CNBD2: variants seen among roughly 807,000 people sequenced by gnomAD.
CNBD2 encodes cyclic nucleotide binding domain containing 2.
CNBD2 carries 64 observed loss-of-function variants against 63.7 expected under a neutral mutation model. The ratio of observed to expected loss-of-function variants is 1.00; its 90% CI spans 0.82 to 1.24. The LOEUF is 1.24. Among genes scored for constraint, CNBD2 ranks in the 50% most tolerant of loss-of-function variants. The probability of loss-of-function intolerance (pLI) is 0.00; values close to 1 mark genes in which losing one functional copy is unlikely to be tolerated. For synonymous variants in CNBD2, 229 were observed against 255.4 expected (o/e 0.90, Z 0.99); for missense variants, 691 against 713.5 (o/e 0.97, Z 0.36).
chr20:36,005,240 C>A (rs982619664), intron 8 of CNBD2, among the ~76,000 whole-genome samples: 8 of 152,176 alleles, frequency 5.3e-5, no homozygotes, highest in African/African-American at 1.9e-4. Flanking sequence ...CAGATGGGGG[C>A]AGGTGGTAAC....
intron 8 of CNBD2, among the ~76,000 whole-genome samples, chr20:36,002,450 G>A (rs2056927670): frequency 1.3e-5 from 2 of 151,904 alleles, no homozygotes; most frequent in Admixed American, 1.3e-4. Context: ...GGGAGAGGGA[G>A]AGCCTAATTT....
intron 8 of CNBD2, among the ~76,000 whole-genome samples, chr20:36,000,900 C>G (rs968632521): frequency 4.6e-5 from 7 of 151,652 alleles, no homozygotes; most frequent in African/African-American, 1.2e-4. Flanking sequence ...TGCGGCCTTC[C>G]GCAGTGTTTG....
rs1414671241 is a variant in CNBD2 at position 36,001,776 on chromosome 20, C to T, written c.971-6521C>T. ...CCCAGACGGGGTGGCGGGGCAGAGG[C>T]GCTCCCCACATCTCAGACGATGGGC... On this transcript the variant is annotated intron_variant, in intron 8 of 11. Coordinates refer to ENST00000373973, the MANE Select transcript of CNBD2 (RefSeq NM_001365709.1). Among the ~76,000 whole-genome samples the T allele has an allele frequency of 2.4e-4, 35 of 146,636 alleles. No homozygotes were observed. The East Asian group carries it at 2.9e-3, about 12-fold the overall frequency.
At chr20:36,009,743 A>C (rs756832001) in intron 9 of CNBD2, among the ~76,000 whole-genome samples, 94 of 152,016 alleles carry the variant, frequency 6.2e-4, no homozygotes, top group Non-Finnish European at 1.2e-3. Flanking sequence ...GAGGCACAAG[A>C]ATCGCTTGAA....
chr20:35,961,879 TC>T (rs2056311459), intron 2 of CNBD2, among the ~76,000 whole-genome samples: 1 of 152,178 alleles, frequency 6.6e-6, no homozygotes, highest in South Asian at 2.1e-4. Context: ...TCTGTGTGTT[TC>T]CCTGGTCACC....
chr20:36,023,142 G>A (rs752254833), intron 10 of CNBD2, among the ~76,000 whole-genome samples: 2 of 152,158 alleles, frequency 1.3e-5, no homozygotes, highest in Non-Finnish European at 2.9e-5. Context: ...TGTAGCAAAA[G>A]GGGCCCAGGA....
intron 8 of CNBD2, among the ~76,000 whole-genome samples, chr20:36,007,863 A>G (rs1049473523): frequency 6.6e-6 from 1 of 152,182 alleles, no homozygotes; most frequent in Non-Finnish European, 1.5e-5. Context: ...TCTGATGCTT[A>G]TATGACTTGT....
intron 8 of CNBD2, 39 bp from the exon 9 acceptor site, chr20:36,008,258 A>G (rs763707601): frequency 6.5e-7 from 1 of 1,535,744 alleles, no homozygotes; most frequent in Non-Finnish European, 8.9e-7. Flanking sequence ...CATATATGCA[A>G]AGATCCATAA....
At chr20:36,018,182 G>A (rs1303691720) in intron 10 of CNBD2, among the ~76,000 whole-genome samples, 1 of 152,132 alleles carries the variant, frequency 6.6e-6, no homozygotes, top group Non-Finnish European at 1.5e-5. Context: ...GGGCACTAAG[G>A]GACAGGGAGG....
upstream of CNBD2, among the ~76,000 whole-genome samples, chr20:35,966,659 T>A (rs2056347077): frequency 6.6e-6 from 1 of 152,066 alleles, no homozygotes; most frequent in African/African-American, 2.4e-5. Flanking sequence ...GTTTTTTTTT[T>A]ATTGTCCTGA....
At chr20:36,019,548 A>G (rs965905394) in intron 10 of CNBD2, among the ~76,000 whole-genome samples, 8 of 151,212 alleles carry the variant, frequency 5.3e-5, no homozygotes, top group African/African-American at 1.9e-4. Context: ...AAAAAAAAAA[A>G]AAAAGAATAA....
At chr20:36,005,312 G>A (rs1178221971) in intron 8 of CNBD2, among the ~76,000 whole-genome samples, 1 of 152,174 alleles carries the variant, frequency 6.6e-6, no homozygotes, top group Non-Finnish European at 1.5e-5. Flanking sequence ...ACACAACCTA[G>A]ATGCCTCTCA....
chr20:36,001,941 C>T (rs1193940341), intron 8 of CNBD2, among the ~76,000 whole-genome samples: 57 of 151,548 alleles, frequency 3.8e-4, no homozygotes, highest in African/African-American at 1.3e-3. Flanking sequence ...GGGCTCCTCA[C>T]GTCCCAGACG....
intron 2 of CNBD2, chr20:35,974,842 C>T (rs997662889): frequency 6.6e-6 from 1 of 152,184 alleles, no homozygotes; most frequent in Non-Finnish European, 1.5e-5. Flanking sequence ...TGGGCAAGTT[C>T]CTTCACCATC....
intron 3 of CNBD2, among the ~76,000 whole-genome samples, chr20:35,979,473 G>A (rs1284758776): frequency 2.6e-5 from 4 of 152,222 alleles, no homozygotes; most frequent in African/African-American, 9.6e-5. Flanking sequence ...GCCTAGGCTG[G>A]TCTCAAACTC....
At chr20:35,983,953 C>T (rs750093626) in intron 4 of CNBD2, 29 bp from the exon 5 acceptor site, 11 of 1,613,956 alleles carry the variant, frequency 6.8e-6, no homozygotes, top group South Asian at 4.4e-5. Flanking sequence ...ATGTCACTAC[C>T]CAATCAACTA....
At chr20:35,964,714 T>G (rs921671314), upstream of CNBD2, among the ~76,000 whole-genome samples, 17 of 151,684 alleles carry the variant, frequency 1.1e-4, no homozygotes, top group Admixed American at 9.8e-4. Context: ...TATATCTTTT[T>G]TTTTTAAGAG....
intron 2 of CNBD2, among the ~76,000 whole-genome samples, chr20:35,975,351 A>G (rs556779652): frequency 1.8e-5 from 2 of 111,734 alleles, no homozygotes; most frequent in East Asian, 4.7e-4. Context: ...CCCAGGCTGG[A>G]GTGCAGTGGC....
intron 2 of CNBD2, chr20:35,973,671 AG>A (rs1243621604): frequency 6.6e-6 from 1 of 152,184 alleles, no homozygotes; most frequent in African/African-American, 2.4e-5. Flanking sequence ...GGCCTCCCAA[AG>A]TGCTGGGATT....
Sources: allele counts gnomAD v4.1 joint callset (sites outside exome capture counted in the v4.1 genomes callset), GRCh38; gene constraint gnomAD v4.1.1; transcripts MANE v1.5; gene names NCBI Gene and HGNC (gene_info 2026-07-23, HGNC 2026-07-21).